Variants in CCDC102B observed in about 807,000 individuals in gnomAD.
CCDC102B encodes the protein coiled-coil domain-containing protein 102B.
CCDC102B carries 75 observed loss-of-function variants against 57.4 expected under a neutral mutation model. The ratio of observed to expected loss-of-function variants is 1.31; its 90% CI spans 1.08 to 1.58. The LOEUF (loss-of-function observed/expected upper bound fraction) is 1.58, where lower values mean the gene tolerates loss of function less well. CCDC102B is among the 40% of genes most tolerant of loss of function. The probability of loss-of-function intolerance (pLI) is 0.00; values close to 1 mark genes in which losing one functional copy is unlikely to be tolerated. For synonymous variants in CCDC102B, 206 were observed against 201.9 expected, an observed-to-expected ratio of 1.02 and a Z score of -0.17; for missense variants, 636 against 582.6, an observed-to-expected ratio of 1.09 and a Z score of -0.94.
chr18:69,022,354 A>AAT (rs35964933), intron 7 of CCDC102B, among the ~76,000 whole-genome samples: 148,322 of 149,996 alleles, frequency 0.99, 73,359 homozygotes, highest in Non-Finnish European at 1. Context: ...GTTATATATA[A>AAT]ATATATATAT....
At position 68,748,445 on chromosome 18, in the gene CCDC102B, G is replaced by A. The variant is rs112287437; in HGVS notation, c.-67+31851G>A. ...TGCTAGGCATCCATTTTACTAACTG[G>A]TAGTTTTGTAGTCAGCATGGTGGCA... On this transcript the variant is annotated intron_variant, in intron 2 of 3. Transcript: ENST00000578970. 3.3e-3 allele frequency among the ~76,000 whole-genome samples: 496 copies of A among 152,148 alleles called. 1 individual carries two copies. Among genetic ancestry groups the A allele is most frequent in the African/African-American group, 0.011 (477 of 41,516 alleles).
chr18:68,728,923 G>C (rs993076333), intron 2 of CCDC102B, among the ~76,000 whole-genome samples: 1 of 151,322 alleles, frequency 6.6e-6, no homozygotes, highest in Non-Finnish European at 1.5e-5. Context: ...CATGGATAAG[G>C]CACCATATAT....
chr18:68,882,504 G>C (rs2039726766), intron 5 of CCDC102B, among the ~76,000 whole-genome samples: 1 of 152,180 alleles, frequency 6.6e-6, no homozygotes, highest in African/African-American at 2.4e-5. Context: ...CTAGAATCTA[G>C]AGTGATATAT....
chr18:69,029,554 A>G (rs1568135679), intron 7 of CCDC102B, among the ~76,000 whole-genome samples: 2 of 152,208 alleles, frequency 1.3e-5, no homozygotes, highest in African/African-American at 4.8e-5. Context: ...TAAACCAACC[A>G]TGTTATGAGC....
At chr18:69,030,211 TCTG>T (rs2052102032) in intron 7 of CCDC102B, among the ~76,000 whole-genome samples, 1 of 152,208 alleles carries the variant, frequency 6.6e-6, no homozygotes, top group Non-Finnish European at 1.5e-5. Context: ...TAAAAATTAC[TCTG>T]CTATCCTAAT....
At chr18:68,786,597 T>C (rs1453013576) in intron 2 of CCDC102B, among the ~76,000 whole-genome samples, 2 of 141,122 alleles carry the variant, frequency 1.4e-5, no homozygotes, top group African/African-American at 2.7e-5. Context: ...CAATTGTGAA[T>C]GGGAGTTCAC....
chr18:68,811,549 A>G (rs180708507), intron 1 of CCDC102B, among the ~76,000 whole-genome samples: 22 of 152,328 alleles, frequency 1.4e-4, no homozygotes, highest in African/African-American at 5.3e-4. Flanking sequence ...TGGGAGGCAG[A>G]GGTTGCAGTG....
At chr18:68,799,248 TGTA>T (rs2035755937) in intron 1 of CCDC102B, among the ~76,000 whole-genome samples, 1 of 152,160 alleles carries the variant, frequency 6.6e-6, no homozygotes, top group Admixed American at 6.5e-5. Flanking sequence ...ACAATATCTG[TGTA>T]GGTTTGTGTG....
chr18:68,769,905 A>G (rs925269807), intron 2 of CCDC102B, among the ~76,000 whole-genome samples: 2 of 152,214 alleles, frequency 1.3e-5, no homozygotes, highest in Non-Finnish European at 2.9e-5. Context: ...GCTGTAGAAC[A>G]ATATGGTCAT....
intron 6 of CCDC102B, among the ~76,000 whole-genome samples, chr18:68,951,709 G>T (rs1248845021): frequency 6.6e-6 from 1 of 151,870 alleles, no homozygotes; most frequent in Non-Finnish European, 1.5e-5. Context: ...TCGGGAGGCT[G>T]AGTTAGGAGG....
At chr18:68,874,816 A>G (rs767884242) in intron 5 of CCDC102B, 31 bp downstream of exon 5, 1 of 1,285,682 alleles carries the variant, frequency 7.8e-7, no homozygotes, top group Non-Finnish European at 1.1e-6. Context: ...TACCATATAT[A>G]TTAAAACATA....
At chr18:68,966,907 GGCTACT>G (rs1316297601) in intron 6 of CCDC102B, among the ~76,000 whole-genome samples, 2 of 152,100 alleles carry the variant, frequency 1.3e-5, no homozygotes, top group Non-Finnish European at 2.9e-5. Flanking sequence ...AATGCCCATA[GGCTACT>G]GCTTTGGTTC....
intron 2 of CCDC102B, among the ~76,000 whole-genome samples, chr18:68,739,776 G>A (rs1176200493): frequency 1.3e-5 from 2 of 152,034 alleles, no homozygotes; most frequent in Admixed American, 6.6e-5. Context: ...CTCTTGCTGG[G>A]GCTTACCAGA....
chr18:68,863,208 C>T (rs1002553904), intron 4 of CCDC102B, among the ~76,000 whole-genome samples: 3 of 151,106 alleles, frequency 2.0e-5, no homozygotes, highest in African/African-American at 4.9e-5. Context: ...ATCTATTTCT[C>T]CTTTTTCTCT....
At chr18:68,848,237 G>C (rs2037964182) in intron 4 of CCDC102B, among the ~76,000 whole-genome samples, 1 of 151,860 alleles carries the variant, frequency 6.6e-6, no homozygotes, top group South Asian at 2.1e-4. Context: ...GGTGTGTCAT[G>C]ATTCATTCTT....
intron 4 of CCDC102B, among the ~76,000 whole-genome samples, chr18:68,848,556 AAAGAT>A (rs1416645661): frequency 6.6e-6 from 1 of 152,070 alleles, no homozygotes; most frequent in Non-Finnish European, 1.5e-5. Flanking sequence ...AGAGAAGAGA[AAAGAT>A]AAGAATTTAA....
intron 7 of CCDC102B, among the ~76,000 whole-genome samples, chr18:69,045,821 T>C (rs1416319426): frequency 2.0e-5 from 3 of 152,142 alleles, no homozygotes; most frequent in Non-Finnish European, 4.4e-5. Flanking sequence ...TGTGCTCTTG[T>C]TGTTTAGCTC....
At position 68,723,759 on chromosome 18, in the gene CCDC102B, T is replaced by C. The variant is rs183363511; in HGVS notation, c.-67+7165T>C. Among the ~76,000 whole-genome samples, 206 of 152,322 alleles carry C rather than the reference T, an allele frequency of 1.4e-3. 1 individual carries two copies. The highest frequency in any genetic ancestry group is 1.8e-3 in the Non-Finnish European group (122 of 68,020). On this transcript the variant is annotated intron_variant, in intron 2 of 3. Transcript: ENST00000578970. ...TCCTGGCTGCTTTCACAGGCTGGTG[T>C]TGAAAGTCTGTGGCTTTTCCAGCTG...
intron 2 of CCDC102B, among the ~76,000 whole-genome samples, chr18:68,784,818 A>G (rs935112420): frequency 6.6e-6 from 1 of 151,186 alleles, no homozygotes; most frequent in African/African-American, 2.4e-5. Context: ...TGCTATCAGC[A>G]TTACTGTTTT....
Sources: allele counts gnomAD v4.1 joint callset (sites outside exome capture counted in the v4.1 genomes callset), GRCh38; gene constraint gnomAD v4.1.1; transcripts MANE v1.5; gene names NCBI Gene and HGNC (gene_info 2026-07-23, HGNC 2026-07-21).